The following FXYD6 variants were observed in gnomAD, a reference collection of about 807,000 sequenced individuals.
The protein encoded by FXYD6 is FXYD domain-containing ion transport regulator 6.
A neutral mutation model predicts 16.7 loss-of-function variants in FXYD6; 7 were observed. That is an observed-to-expected ratio of 0.42 (90% confidence interval 0.24 to 0.79). FXYD6 has a LOEUF of 0.79. Ranked by LOEUF, FXYD6 falls within the 30% of genes least tolerant of loss-of-function variation. FXYD6 has a pLI of 0.28. For missense variants in FXYD6, 111 were observed against 116.2 expected (o/e 0.95, Z 0.21); for synonymous variants, 49 against 43.0 (o/e 1.14, Z -0.54).
At position 117,838,192 on chromosome 11, in the gene FXYD6, G is replaced by A. The variant is rs1394366410; in HGVS notation, c.*107C>T. ...ACACAAGTTCTTGGCTTCTCCTGGG[G>A]AAAGGGCTGTTGCTGAAGTGGCCGG... On this transcript the variant is annotated 3_prime_UTR_variant, in exon 8 of 8. Transcript: ENST00000526014. 5.7e-6 allele frequency: 4 copies of A among 702,404 alleles called. No homozygotes were observed. In the Admixed American group the frequency reaches 8.0e-5, roughly 14 times the overall value. The allele number at this position is 702,404 out of a possible 1,614,324, so 43.5% of individuals were successfully genotyped here.
intron 1 of FXYD6, among the ~76,000 whole-genome samples, chr11:117,845,731 A>G (rs912273869): frequency 6.6e-6 from 1 of 152,204 alleles, no homozygotes; most frequent in Admixed American, 6.5e-5. Flanking sequence ...TTGAGGAAAC[A>G]GTTTTTTGAT....
intron 2 of FXYD6, 26 bp downstream of exon 2, chr11:117,842,693 C>A: frequency 1.3e-6 from 2 of 1,555,880 alleles, no homozygotes; most frequent in Non-Finnish European, 1.7e-6. Context: ...CATCTTGTCA[C>A]AGCCAGGTCC....
chr11:117,848,630 G>A (rs1443491174), intron 1 of FXYD6, among the ~76,000 whole-genome samples: 4 of 152,144 alleles, frequency 2.6e-5, no homozygotes, highest in South Asian at 2.1e-4. Context: ...GTGTTTGGTG[G>A]AACTAACCTG....
In FXYD6 at chr11:117,862,089, G is replaced by A. The variant is rs200146209; in HGVS notation, c.-6+14503C>T. 3.0e-4 allele frequency among the ~76,000 whole-genome samples: 45 copies of A among 152,314 alleles called. 1 individual carries two copies. Among genetic ancestry groups the A allele is most frequent in the Middle Eastern group, 6.8e-3 (2 of 294 alleles). On this transcript the variant is annotated intron_variant, in intron 1 of 7. Transcript: ENST00000526014. ...ACCCGGAGGAGGAGAAACTGAAAAGGCGATGCCCCAGAGGAAGTGGGAGAG... is the reference window on the plus strand; with the variant it reads ...ACCCGGAGGAGGAGAAACTGAAAAGACGATGCCCCAGAGGAAGTGGGAGAG...
At chr11:117,868,445 G>A (rs989489007) in intron 1 of FXYD6, among the ~76,000 whole-genome samples, 2 of 151,978 alleles carry the variant, frequency 1.3e-5, no homozygotes, top group South Asian at 2.1e-4. Flanking sequence ...GGAGAACATC[G>A]AACAAATCCC....
chr11:117,842,176 G>C (rs2056362694), intron 2 of FXYD6, 148 bp from the exon 3 acceptor site: 1 of 1,199,594 alleles, frequency 8.3e-7, no homozygotes, highest in South Asian at 1.5e-5. Context: ...GTGCACGGTA[G>C]GGCGGGCCTG....
At chr11:117,844,937 C>T (rs1489821226) in intron 1 of FXYD6, among the ~76,000 whole-genome samples, 2 of 152,184 alleles carry the variant, frequency 1.3e-5, no homozygotes, top group African/African-American at 4.8e-5. Flanking sequence ...TTGAATTGCA[C>T]ACTTCAAGAT....
In FXYD6 at chr11:117,862,792, G is replaced by T. The variant is rs74982753; in HGVS notation, c.-6+13800C>A. Among the ~76,000 whole-genome samples, 536 of 152,288 alleles carry T rather than the reference G, an allele frequency of 3.5e-3. 7 individuals carry two copies. The highest frequency in any genetic ancestry group is 0.012 in the African/African-American group (502 of 41,548). ...TGGCCCTGTTCCTCCCTCCTCCTTGGGTTGAGGAGGTCACGGCAAGATGTA... is the reference window on the plus strand; with the variant it reads ...TGGCCCTGTTCCTCCCTCCTCCTTGTGTTGAGGAGGTCACGGCAAGATGTA... On this transcript the variant is annotated intron_variant, in intron 1 of 7. Transcript: ENST00000526014.
intron 1 of FXYD6, among the ~76,000 whole-genome samples, chr11:117,855,764 T>C (rs2056711966): frequency 1.3e-5 from 2 of 152,220 alleles, no homozygotes; most frequent in African/African-American, 4.8e-5. Flanking sequence ...ACCTGCGCAC[T>C]GGGCCCTGGA....
rs761682132 is a variant in FXYD6 at position 117,858,723 on chromosome 11, C to CCCTTCCTTCCTT, written c.-5-15954_-5-15943dup. On this transcript the variant is annotated intron_variant, in intron 1 of 7. Transcript: ENST00000526014. ...TCTTTCTCTCTCTCTCTCCTTCCTT[C>CCCTTCCTTCCTT]CCTTCCTTCCTTCCTTCCTTCCTTC... Among the ~76,000 whole-genome samples the CCCTTCCTTCCTT allele has an allele frequency of 9.3e-3, 384 of 41,198 alleles. 7 individuals are homozygous for CCCTTCCTTCCTT. The highest frequency in any genetic ancestry group is 0.012 in the Middle Eastern group (1 of 84). The allele number at this position is 41,198 out of a possible 152,430, so 27.0% of individuals were successfully genotyped here.
intron 1 of FXYD6, among the ~76,000 whole-genome samples, chr11:117,853,431 G>T (rs1206633823): frequency 6.6e-6 from 1 of 152,188 alleles, no homozygotes; most frequent in Non-Finnish European, 1.5e-5. Flanking sequence ...GTCAATGAGG[G>T]TGCATTCTAA....
At chr11:117,838,585 T>A in intron 7 of FXYD6, 1 of 371,586 alleles carries the variant, frequency 2.7e-6, no homozygotes, top group Non-Finnish European at 4.9e-6. Context: ...AAAAAAAAAA[T>A]GAAAAGACAT....
At chr11:117,839,892 A>G in intron 6 of FXYD6, 62 bp from the exon 7 acceptor site, 1 of 1,606,078 alleles carries the variant, frequency 6.2e-7, no homozygotes, top group Non-Finnish European at 8.5e-7. Flanking sequence ...GGCCACCCCC[A>G]ACAGCAGCCG....
chr11:117,851,490 C>T (rs1455658905), intron 1 of FXYD6, among the ~76,000 whole-genome samples: 1 of 152,192 alleles, frequency 6.6e-6, no homozygotes, highest in African/African-American at 2.4e-5. Flanking sequence ...GCCAGAACCA[C>T]CCACTGAAGA....
rs1385004367 is a variant in FXYD6, at chr11:117,841,796, A to G, written c.167T>C (p.Ile56Thr). ...GAGCAAAAGAACAAACTTACTTAGG[A>G]TAAGGAGGATCCCAACCGAGAAGAG... ...VVLFSVGILL[I>T]LSRRCKCSFN... Residue 56 changes from isoleucine to threonine, a missense_variant, in exon 4 of 8, where the codon ATC becomes ACC. Physicochemically the swap from Ile to Thr is moderately conservative, Grantham distance 89 (BLOSUM62 -1). Transcript: ENST00000526014. The G allele has an allele frequency of 6.2e-7, 1 of 1,613,824 alleles. No homozygotes were observed. The highest frequency in any genetic ancestry group is 8.5e-7 in the Non-Finnish European group (1 of 1,179,996).
intron 1 of FXYD6, among the ~76,000 whole-genome samples, chr11:117,871,304 G>A (rs1435664547): frequency 6.6e-6 from 1 of 152,182 alleles, no homozygotes; most frequent in Non-Finnish European, 1.5e-5. Context: ...CGGGAAGGGC[G>A]ACTAGGTGTC....
intron 7 of FXYD6, chr11:117,838,674 G>T (rs2056256620): frequency 9.4e-6 from 2 of 212,966 alleles, no homozygotes; most frequent in South Asian, 8.4e-5. Flanking sequence ...AAGCTACCAG[G>T]AAGGGCACCT....
intron 1 of FXYD6, among the ~76,000 whole-genome samples, chr11:117,875,848 G>A (rs2057249133): frequency 6.6e-6 from 1 of 152,150 alleles, no homozygotes; most frequent in Admixed American, 6.5e-5. Flanking sequence ...GTAAGAGCCA[G>A]AAGCCAGCGC....
chr11:117,848,405 T>C (rs1328273080), intron 1 of FXYD6, among the ~76,000 whole-genome samples: 1 of 152,200 alleles, frequency 6.6e-6, no homozygotes, highest in African/African-American at 2.4e-5. Flanking sequence ...CAATTTTTTT[T>C]TTTTTTTTAA....
Sources: gnomAD v4.1 joint callset for allele counts (sites outside exome capture counted in the v4.1 genomes callset) on GRCh38, gnomAD v4.1.1 for gene constraint, MANE v1.5 for transcripts, NCBI Gene and HGNC (gene_info 2026-07-23, HGNC 2026-07-21) for gene names.